The following MYOM1 variants were observed in gnomAD, a reference collection of about 807,000 sequenced individuals.
The protein encoded by MYOM1 is myomesin-1.
In MYOM1, 164 loss-of-function variants were observed where a neutral mutation model predicts 205.3. The observed-to-expected ratio is 0.80, with a 90% CI of 0.70 to 0.91. The LOEUF is 0.91. Ranked by LOEUF, MYOM1 falls within the 40% of genes least tolerant of loss-of-function variation. The pLI is 0.00. For synonymous variants in MYOM1, 772 were observed against 789.4 expected (o/e 0.98, Z 0.37); for missense variants, 2,011 against 2,127.3 (o/e 0.95, Z 1.08).
intron 23 of MYOM1, among the ~76,000 whole-genome samples, chr18:3,101,050 C>T (rs895436297): frequency 1.3e-5 from 2 of 152,174 alleles, no homozygotes; most frequent in Non-Finnish European, 2.9e-5. Flanking sequence ...TGTCTAAGAT[C>T]AACCAAACAT....
At chr18:3,093,023 T>C (rs2079247924) in intron 26 of MYOM1, among the ~76,000 whole-genome samples, 1 of 152,220 alleles carries the variant, frequency 6.6e-6, no homozygotes, top group South Asian at 2.1e-4. Flanking sequence ...ATCACAGCAG[T>C]CGAGGGAACA....
intron 33 of MYOM1, 142 bp downstream of exon 33, chr18:3,083,647 T>G: frequency 2.0e-6 from 1 of 512,012 alleles, no homozygotes; most frequent in Non-Finnish European, 3.5e-6. Context: ...GGTTTCACCA[T>G]GTTGGCCAGG....
At chr18:3,127,563 C>T (rs2143870066) in intron 18 of MYOM1, among the ~76,000 whole-genome samples, 1 of 151,946 alleles carries the variant, frequency 6.6e-6, no homozygotes, top group Non-Finnish European at 1.5e-5. Flanking sequence ...CCCACCTCAG[C>T]CTCCCAAAGT....
chr18:3,073,177 G>C (rs1429119235), intron 36 of MYOM1, among the ~76,000 whole-genome samples: 1 of 152,078 alleles, frequency 6.6e-6, no homozygotes, highest in Non-Finnish European at 1.5e-5. Flanking sequence ...GTTCTTGGTA[G>C]TGCTGTGCAG....
Position 3,141,839 on chromosome 18 carries a change from T to C in MYOM1, c.2025+100A>G, listed in dbSNP as rs2080053808. On this transcript the variant is annotated intron_variant, in intron 14 of 37. Coordinates refer to ENST00000356443, the MANE Select transcript of MYOM1 (RefSeq NM_003803.4). ...TCTAGTGAGATCAGGACATGCTCCC[T>C]CCTCCTCCCTCACTCCATTGTCCCT... is the stretch of plus-strand genomic sequence containing the variant. 2.1e-6 allele frequency: 3 copies of C among 1,442,400 alleles called. No homozygotes were observed. In the Admixed American group the frequency reaches 5.1e-5, roughly 25 times the overall value. The allele number at this position is 1,442,400 out of a possible 1,614,324, so 89.4% of individuals were successfully genotyped here.
intron 1 of MYOM1, among the ~76,000 whole-genome samples, chr18:3,217,891 T>C (rs2081289177): frequency 6.6e-6 from 1 of 152,066 alleles, no homozygotes; most frequent in Non-Finnish European, 1.5e-5. Context: ...ATGCTAATCT[T>C]ATATATAAGC....
chr18:3,142,174 G>T (rs749353556), intron 13 of MYOM1, 111 bp from the exon 14 acceptor site: 5 of 1,235,738 alleles, frequency 4.0e-6, no homozygotes, highest in Non-Finnish European at 4.5e-6. Flanking sequence ...TGTCTCCACA[G>T]TTTAAAGAAG....
chr18:3,121,843 G>C (rs1193748752), intron 19 of MYOM1, among the ~76,000 whole-genome samples: 2 of 152,206 alleles, frequency 1.3e-5, no homozygotes, highest in African/African-American at 2.4e-5. Flanking sequence ...AACAGGCCAG[G>C]TGTGGTGTCT....
rs551358200 is a variant in MYOM1, at chr18:3,133,897, C to T, written c.2384+753G>A. Among the ~76,000 whole-genome samples, 6 of 152,296 alleles carry T rather than the reference C, an allele frequency of 3.9e-5. No homozygotes were observed. In the East Asian group the frequency reaches 1.2e-3, roughly 29 times the overall value. On this transcript the variant is annotated intron_variant, in intron 16 of 37. Transcript: ENST00000356443. ...TTGTTTTTTGAGACAGGGTCTTGCTCTGTTGCCCAGGCCAGAGTACAGTGT... is the reference window on the plus strand; with the variant it reads ...TTGTTTTTTGAGACAGGGTCTTGCTTTGTTGCCCAGGCCAGAGTACAGTGT...
the MYOM1 span, among the ~76,000 whole-genome samples, chr18:3,232,069 C>T: frequency 6.6e-6 from 1 of 151,796 alleles, no homozygotes; most frequent in Non-Finnish European, 1.5e-5. Flanking sequence ...GCGACTCACA[C>T]CTGTAATCCC....
At chr18:3,242,885 CTTTT>C in the MYOM1 span, among the ~76,000 whole-genome samples, 2 of 152,106 alleles carry the variant, frequency 1.3e-5, no homozygotes, top group African/African-American at 4.8e-5. Context: ...ATCCTTATTC[CTTTT>C]TTTGTTTGCT....
At position 3,066,873 on chromosome 18, in the gene MYOM1, C is replaced by G. The variant is rs983053340; in HGVS notation, c.*389G>C. On this transcript the variant is annotated 3_prime_UTR_variant, in exon 38 of 38. Transcript: ENST00000356443. ...AGGAGGTTCCAAGCCACGAGGCGCC[C>G]GTCGAAAAGCACATCACCTCTGTAA... is the stretch of plus-strand genomic sequence containing the variant. 8 of 180,068 alleles carry G rather than the reference C, an allele frequency of 4.4e-5. No homozygotes were observed. Among genetic ancestry groups the G allele is most frequent in the Non-Finnish European group, 9.6e-5 (8 of 83,658 alleles). 11.2% of individuals were successfully genotyped at this position (180,068 alleles called of 1,614,324 possible). A position where few individuals can be genotyped will look rare whatever the true frequency, so the allele number is the denominator to read the frequency against.
chr18:3,233,841 T>C, the MYOM1 span, among the ~76,000 whole-genome samples: 4 of 152,242 alleles, frequency 2.6e-5, no homozygotes, highest in East Asian at 3.8e-4. Flanking sequence ...ACAGACTCTT[T>C]TTCCGGGAAG....
intron 14 of MYOM1, among the ~76,000 whole-genome samples, chr18:3,136,149 G>C (rs143998833): frequency 4.2e-4 from 64 of 152,024 alleles, no homozygotes; most frequent in Non-Finnish European, 7.1e-4. Context: ...CGTGTAAGAC[G>C]TGCCTTTCGC....
intron 2 of MYOM1, among the ~76,000 whole-genome samples, chr18:3,201,018 C>A (rs1358044126): frequency 6.6e-5 from 10 of 152,066 alleles, no homozygotes; most frequent in Non-Finnish European, 8.8e-5. Context: ...CACAGGGGAA[C>A]AATAATACTG....
chr18:3,096,969 T>C (rs2079313836), intron 25 of MYOM1, among the ~76,000 whole-genome samples: 1 of 152,210 alleles, frequency 6.6e-6, no homozygotes, highest in African/African-American at 2.4e-5. Context: ...CAAATTTCCT[T>C]AGGCTCTTTT....
At chr18:3,154,502 A>G (rs1024873461) in intron 11 of MYOM1, among the ~76,000 whole-genome samples, 29 of 151,998 alleles carry the variant, frequency 1.9e-4, no homozygotes, top group Admixed American at 7.2e-4. Context: ...ATTTTGTGAC[A>G]CTATGATATG....
intron 11 of MYOM1, among the ~76,000 whole-genome samples, chr18:3,153,336 C>T (rs563683909): frequency 3.3e-5 from 5 of 152,296 alleles, no homozygotes; most frequent in Middle Eastern, 3.4e-3. Flanking sequence ...TATGTGGTCT[C>T]GGGCCTCATT....
At chr18:3,244,168 C>T in the MYOM1 span, among the ~76,000 whole-genome samples, 1 of 152,108 alleles carries the variant, frequency 6.6e-6, no homozygotes, top group African/African-American at 2.4e-5. Flanking sequence ...GTATCTGTCC[C>T]GTTTGTGAAA....
Sources: allele counts gnomAD v4.1 joint callset (sites outside exome capture counted in the v4.1 genomes callset), GRCh38; gene constraint gnomAD v4.1.1; transcripts MANE v1.5; gene names NCBI Gene and HGNC (gene_info 2026-07-23, HGNC 2026-07-21).